The following LRP12 variants were observed in gnomAD, a reference collection of about 807,000 sequenced individuals.
LRP12 encodes the protein low-density lipoprotein receptor-related protein 12.
LRP12 carries 14 observed loss-of-function variants against 66.0 expected under a neutral mutation model. The observed-to-expected ratio is 0.21, with a 90% CI of 0.14 to 0.33. The LOEUF is 0.33. Ranked by LOEUF, LRP12 falls within the 10% of genes least tolerant of loss-of-function variation. The pLI is 1.00. For synonymous variants in LRP12, 357 were observed against 359.1 expected, an observed-to-expected ratio of 0.99 and a Z score of 0.07; for missense variants, 889 against 1,053.4, an observed-to-expected ratio of 0.84 and a Z score of 2.16.
chr8:104,498,312 T>C (rs939892066), intron 4 of LRP12, among the ~76,000 whole-genome samples: 1 of 152,172 alleles, frequency 6.6e-6, no homozygotes, highest in African/African-American at 2.4e-5. Context: ...GCTGCACCCA[T>C]CAATCCATCA....
intron 2 of LRP12, among the ~76,000 whole-genome samples, chr8:104,518,717 G>C (rs1031072639): frequency 6.6e-6 from 1 of 151,820 alleles, no homozygotes; most frequent in African/African-American, 2.4e-5. Flanking sequence ...AGTATCTTTG[G>C]TATTAAAAAT....
chr8:104,525,215 G>T (rs982747608), intron 2 of LRP12, among the ~76,000 whole-genome samples: 5 of 151,942 alleles, frequency 3.3e-5, no homozygotes, highest in African/African-American at 1.2e-4. Flanking sequence ...GCTTATATAT[G>T]AAGAGAGATT....
intron 2 of LRP12, among the ~76,000 whole-genome samples, chr8:104,515,927 A>AT (rs1443204559): frequency 6.6e-6 from 1 of 151,994 alleles, no homozygotes; most frequent in African/African-American, 2.4e-5. Context: ...TACTATTTTT[A>AT]TTTTTTTATA....
chr8:104,511,175 G>A (rs1810990388), intron 2 of LRP12, among the ~76,000 whole-genome samples: 1 of 150,130 alleles, frequency 6.7e-6, no homozygotes, highest in South Asian at 2.1e-4. Flanking sequence ...TCCCGAGTAA[G>A]TAGGACTACA....
intron 1 of LRP12, among the ~76,000 whole-genome samples, chr8:104,570,857 A>T (rs1812067188): frequency 6.6e-6 from 1 of 152,168 alleles, no homozygotes; most frequent in African/African-American, 2.4e-5. Flanking sequence ...AGGGGGGAAA[A>T]ATATATAAGA....
intron 1 of LRP12, among the ~76,000 whole-genome samples, chr8:104,583,246 T>G (rs1812283417): frequency 6.6e-6 from 1 of 152,202 alleles, no homozygotes; most frequent in Admixed American, 6.5e-5. Flanking sequence ...CTCTTTACCA[T>G]GGATTCTAAA....
chr8:104,521,042 G>A (rs556675762), intron 2 of LRP12, among the ~76,000 whole-genome samples: 8 of 152,090 alleles, frequency 5.3e-5, no homozygotes, highest in Admixed American at 3.9e-4. Flanking sequence ...GTACTCACAC[G>A]TGCTGTTCTA....
intron 1 of LRP12, among the ~76,000 whole-genome samples, chr8:104,566,899 T>C (rs905499592): frequency 6.6e-6 from 1 of 151,950 alleles, no homozygotes; most frequent in African/African-American, 2.4e-5. Flanking sequence ...TGATAAAATG[T>C]GAAATTATGG....
At position 104,491,326 on chromosome 8, in the gene LRP12, T is replaced by C; in HGVS notation, c.1927A>G (p.Thr643Ala). 1.9e-6 allele frequency: 3 copies of C among 1,614,156 alleles called. No individual in the cohort carries two copies. The highest frequency in any genetic ancestry group is 2.5e-6 in the Non-Finnish European group (3 of 1,180,018). Residue 643 changes from threonine to alanine, a missense_variant, in exon 7 of 7, where the codon ACT (threonine) becomes GCT (alanine). Physicochemically the swap from Thr to Ala is moderately conservative, Grantham distance 58 (BLOSUM62 0). This residue lies in a region of LRP12 where 800 missense variants were observed against 964.5 expected (regional missense o/e 0.83). Transcript: ENST00000276654. ...STSREPERNH[T>A]HRSLFSVESD... ...TCCACGGAAAACAAACTTCTGTGAG[T>C]ATGATTTCTCTCAGGTTCTCTACTG...
chr8:104,507,553 G>C lies in LRP12; in HGVS notation c.272+1386C>G, dbSNP rs369715303. 86 of 152,218 alleles carry C rather than the reference G, an allele frequency of 5.6e-4. 1 individual carries two copies. The highest frequency in any genetic ancestry group is 2.0e-3 in the African/African-American group (81 of 41,530). The allele number at this position is 152,218 out of a possible 1,614,324, so 9.4% of individuals were successfully genotyped here. ...AAGGTGAAGGTCTCTATAAATTCTA[G>C]TTTTATGCTAAAAAACTCCCAATAT... On this transcript the variant is annotated intron_variant, in intron 3 of 6. Coordinates refer to ENST00000276654, the MANE Select transcript of LRP12 (RefSeq NM_013437.5).
chr8:104,517,446 C>G (rs1431303554), intron 2 of LRP12, among the ~76,000 whole-genome samples: 3 of 151,894 alleles, frequency 2.0e-5, no homozygotes, highest in African/African-American at 7.3e-5. Flanking sequence ...ATTCTATAGA[C>G]AGCAGTCAAG....
At chr8:104,579,025 C>T (rs1812207120) in intron 1 of LRP12, among the ~76,000 whole-genome samples, 1 of 152,080 alleles carries the variant, frequency 6.6e-6, no homozygotes, top group Non-Finnish European at 1.5e-5. Context: ...CGACACAAGA[C>T]AAGGATGCCC....
intron 1 of LRP12, among the ~76,000 whole-genome samples, chr8:104,538,187 G>A (rs565392077): frequency 2.6e-5 from 4 of 152,284 alleles, no homozygotes; most frequent in Middle Eastern, 3.4e-3. Flanking sequence ...TTGTTAAAAA[G>A]AGAAAAAGGA....
chr8:104,522,416 C>G (rs1394939238), intron 2 of LRP12, among the ~76,000 whole-genome samples: 1 of 152,050 alleles, frequency 6.6e-6, no homozygotes, highest in Admixed American at 6.6e-5. Context: ...TCAAAACTAT[C>G]TGAAGTCTAT....
At chr8:104,547,741 TATA>T (rs1465235492) in intron 1 of LRP12, among the ~76,000 whole-genome samples, 1 of 124,744 alleles carries the variant, frequency 8.0e-6, no homozygotes, top group African/African-American at 3.3e-5. Flanking sequence ...GTATATAATA[TATA>T]ATCATATATA....
At chr8:104,573,244 T>C (rs1812109002) in intron 1 of LRP12, among the ~76,000 whole-genome samples, 1 of 152,182 alleles carries the variant, frequency 6.6e-6, no homozygotes, top group Non-Finnish European at 1.5e-5. Flanking sequence ...AGCCATATTT[T>C]GGTTAACTTT....
In LRP12 at chr8:104,551,325, A is replaced by G. The variant is rs542975796; in HGVS notation, c.80-19362T>C. On this transcript the variant is annotated intron_variant, in intron 1 of 6. Coordinates refer to ENST00000276654, the MANE Select transcript of LRP12 (RefSeq NM_013437.5). The stretch of plus-strand genomic sequence containing the variant: ...TTAGTACGTATTGAGTTATAAGCAT[A>G]TTACTACCACAATCCTCATCATATT... 1.2e-4 allele frequency among the ~76,000 whole-genome samples: 19 copies of G among 152,286 alleles called. No homozygotes were observed. In the East Asian group the frequency reaches 3.1e-3, roughly 25 times the overall value.
intron 2 of LRP12, among the ~76,000 whole-genome samples, chr8:104,516,918 G>A (rs1223306912): frequency 2.6e-5 from 4 of 151,862 alleles, no homozygotes; most frequent in African/African-American, 9.7e-5. Context: ...GAAGAACTGG[G>A]TTTTTTAAAA....
rs770705946 is a variant in LRP12, at chr8:104,499,516, A to G, written c.276T>C (p.Phe92=). 7 of 1,582,366 alleles carry G rather than the reference A, an allele frequency of 4.4e-6. No homozygotes were observed. The highest frequency in any genetic ancestry group is 6.0e-6 in the Non-Finnish European group (7 of 1,170,066). ...TGGATCCTTGAATATCAAAATCCTG[A>G]AAACTGAAAAAAAAATCAGAAATGT... ...ANPGEIITIS[F]QDFDIQGSRR... is the part of the protein sequence containing the mutation. Residue 92 remains phenylalanine (F), a synonymous_variant, in exon 4 of 7, where the codon TTT becomes TTC. Transcript: ENST00000276654.
Sources: allele counts gnomAD v4.1 joint callset (sites outside exome capture counted in the v4.1 genomes callset), GRCh38; gene constraint gnomAD v4.1.1; regional missense constraint gnomAD v4.1.1; transcripts MANE v1.5; gene names NCBI Gene and HGNC (gene_info 2026-07-23, HGNC 2026-07-21).